The following VKORC1 variants were observed in gnomAD, a reference collection of about 807,000 sequenced individuals.
The protein encoded by VKORC1 is phylloquinone epoxide reductase.
In VKORC1, 12 loss-of-function variants were observed where a neutral mutation model predicts 14.8. The ratio of observed to expected loss-of-function variants is 0.81; its 90% CI spans 0.52 to 1.31. VKORC1 has a LOEUF of 1.31. Among genes scored for constraint, VKORC1 ranks in the 50% most tolerant of loss-of-function variants. The pLI, the probability that VKORC1 is intolerant of heterozygous loss-of-function variation, is 0.00. For synonymous variants in VKORC1, 94 were observed against 92.5 expected (o/e 1.02, Z -0.09); for missense variants, 223 against 215.3 (o/e 1.04, Z -0.22).
At chr16:31,092,172 G>C (rs1250298786) in intron 2 of VKORC1, among the ~76,000 whole-genome samples, 2 of 88,520 alleles carry the variant, frequency 2.3e-5, no homozygotes, top group African/African-American at 9.7e-5. Flanking sequence ...GCGAGACTAT[G>C]TCGCAAAAAA....
chr16:31,091,661 T>C (rs1370078425), intron 2 of VKORC1, among the ~76,000 whole-genome samples: 2 of 151,862 alleles, frequency 1.3e-5, no homozygotes, highest in East Asian at 3.9e-4. Flanking sequence ...CCAATGGGGG[T>C]GGATCACCTG....
In VKORC1 at chr16:31,094,694, C is replaced by T. The variant is rs55894764; in HGVS notation, c.36G>A (p.Arg12=). The change falls in exon 1 of 3, where the codon CGG becomes CGA. Residue 12 remains arginine, a synonymous_variant. Transcript: ENST00000394975. ...GSTWGSPGWV[R]LALCLTGLVL... ...CTAAGCCCGTCAGGCAAAGAGCGAGCCGCACCCAGCCAGGGCTCCCCCAGG... is the reference window on the plus strand; with the variant it reads ...CTAAGCCCGTCAGGCAAAGAGCGAGTCGCACCCAGCCAGGGCTCCCCCAGG... 0.012 allele frequency: 19,214 copies of T among 1,608,310 alleles called. 230 individuals carry two copies. Among genetic ancestry groups the T allele is most frequent in the Admixed American group, 0.016 (965 of 59,638 alleles).
Position 31,094,780 on chromosome 16 carries a change from A to G in VKORC1, c.-51T>C. 6.4e-7 allele frequency: 1 copy of G among 1,553,676 alleles called. No homozygotes were observed. Among genetic ancestry groups the G allele is most frequent in the Non-Finnish European group, 8.7e-7 (1 of 1,154,628 alleles). On this transcript the variant is annotated 5_prime_UTR_variant, in exon 1 of 3. Coordinates refer to ENST00000394975, the MANE Select transcript of VKORC1 (RefSeq NM_024006.6). ...CCGCGGAGAAAACCAGCCACGGAGCAGGGGCCGGGCGGCGAATGGCCGCGC... is the reference window on the plus strand; with the variant it reads ...CCGCGGAGAAAACCAGCCACGGAGCGGGGGCCGGGCGGCGAATGGCCGCGC...
chr16:31,091,363 C>A, intron 2 of VKORC1, 21 bp from the exon 3 acceptor site: 1 of 1,607,318 alleles, frequency 6.2e-7, no homozygotes, highest in Non-Finnish European at 8.5e-7. Flanking sequence ...GAAGAGGGTC[C>A]GGTGTGGGCT....
intron 2 of VKORC1, 84 bp from the exon 3 acceptor site, chr16:31,091,426 TG>T (rs2057289531): frequency 6.5e-7 from 1 of 1,549,638 alleles, no homozygotes; most frequent in Admixed American, 2.0e-5. Flanking sequence ...ACTACCTAGA[TG>T]CCAGGAGCTG....
chr16:31,090,970 C>A lies in VKORC1; in HGVS notation c.*164G>T, dbSNP rs186322246. Reference sequence around the variant, plus strand: ...GGCACTGGGTGTAAAAAAGAGCGAGCGTGTGGCACATTTGGTCCATTGTCA... The same window carrying A: ...GGCACTGGGTGTAAAAAAGAGCGAGAGTGTGGCACATTTGGTCCATTGTCA... On this transcript the variant is annotated 3_prime_UTR_variant, in exon 3 of 3. Transcript: ENST00000394975. 63 of 1,163,522 alleles carry A rather than the reference C, an allele frequency of 5.4e-5. No individual in the cohort carries two copies. The East Asian group carries it at 1.5e-3, about 27-fold the overall frequency. 72.1% of individuals were successfully genotyped at this position (1,163,522 alleles called of 1,614,324 possible).
intron 2 of VKORC1, 138 bp from the exon 3 acceptor site, chr16:31,091,480 G>T: frequency 6.6e-7 from 1 of 1,508,018 alleles, no homozygotes; most frequent in South Asian, 1.2e-5. Flanking sequence ...GGCAGATGTG[G>T]TGGCTTACGC....
chr16:31,093,172 C>T, intron 2 of VKORC1, 140 bp downstream of exon 2: 1 of 895,456 alleles, frequency 1.1e-6, no homozygotes. Flanking sequence ...CCCACATCCC[C>T]ACCCGCAGGA....
chr16:31,091,586 A>C (rs1212952368), intron 2 of VKORC1, among the ~76,000 whole-genome samples: 2 of 152,236 alleles, frequency 1.3e-5, no homozygotes, highest in Admixed American at 1.3e-4. Flanking sequence ...CCCGATCTCT[A>C]TCAAAAATTT....
At position 31,091,015 on chromosome 16, in the gene VKORC1, G is replaced by A. The variant is rs1363677114; in HGVS notation, c.*119C>T. ...TTGTCATGTGCGGGTATGGCAGGAG[G>A]AGGGGGTAATCTAGAAGCCCCACAT... On this transcript the variant is annotated 3_prime_UTR_variant, in exon 3 of 3. Coordinates refer to ENST00000394975, the MANE Select transcript of VKORC1 (RefSeq NM_024006.6). 2.0e-6 allele frequency: 3 copies of A among 1,499,662 alleles called. No individual in the cohort carries two copies. The African/African-American group carries it at 4.2e-5, about 21-fold the overall frequency. The allele number at this position is 1,499,662 out of a possible 1,614,324, so 92.9% of individuals were successfully genotyped here.
At position 31,094,646 on chromosome 16, in the gene VKORC1, G is replaced by A. The variant is rs755256488; in HGVS notation, c.84C>T (p.His28=). The A allele has an allele frequency of 1.4e-5, 22 of 1,607,116 alleles. No individual in the cohort carries two copies. Among genetic ancestry groups the A allele is most frequent in the Non-Finnish European group, 1.8e-5 (21 of 1,178,432 alleles). Residue 28 remains histidine, a synonymous_variant, in exon 1 of 3, where the codon CAC becomes CAT. Coordinates refer to ENST00000394975, the MANE Select transcript of VKORC1 (RefSeq NM_024006.6). ...TGLVLSLYAL[H]VKAARARDRD... The stretch of plus-strand genomic sequence containing the variant: ...GGTCCCGGGCGCGCGCCGCCTTCAC[G>A]TGCAGCGCGTAGAGCGAGAGCACTA...
rs1358728264 is a variant in VKORC1, at chr16:31,091,425, A to T, written c.284-83T>A. 4 of 1,552,778 alleles carry T rather than the reference A, an allele frequency of 2.6e-6. No homozygotes were observed. The East Asian group carries it at 7.2e-5, about 28-fold the overall frequency. ...TCCATGATGTCACTGCACTACCTAGATGCCAGGAGCTGCTGGGAAGGGTCT... is the reference window on the plus strand; with the variant it reads ...TCCATGATGTCACTGCACTACCTAGTTGCCAGGAGCTGCTGGGAAGGGTCT... On this transcript the variant is annotated intron_variant, in intron 2 of 2. Coordinates refer to ENST00000394975, the MANE Select transcript of VKORC1 (RefSeq NM_024006.6).
chr16:31,093,249 T>G, intron 2 of VKORC1, 63 bp downstream of exon 2: 8 of 1,387,260 alleles, frequency 5.8e-6, no homozygotes, highest in Non-Finnish European at 7.6e-6. Context: ...GGAGTGGGGC[T>G]GAGCTGACCA....
chr16:31,092,958 CT>C, intron 2 of VKORC1: 1 of 418,230 alleles, frequency 2.4e-6, no homozygotes, highest in Non-Finnish European at 4.3e-6. Context: ...GGGAGGATCC[CT>C]TGGGCAGGGA....
chr16:31,094,596 A>T lies in VKORC1; in HGVS notation c.134T>A (p.Val45Glu). ...RDRDYRALCD[V>E]GTAISCSRVF... ...GCGCGAACAGCTGATGGCGGTGCCC[A>T]CGTCGCAGAGCGCGCGGTAATCCCG... The change falls in exon 1 of 3, where the codon GTG becomes GAG. Residue 45 changes from valine to glutamate, a missense_variant. Val to Glu is a moderately radical substitution (Grantham distance 121, BLOSUM62 -2). Coordinates refer to ENST00000394975, the MANE Select transcript of VKORC1 (RefSeq NM_024006.6). 6.2e-7 allele frequency: 1 copy of T among 1,609,706 alleles called. No individual in the cohort carries two copies. The highest frequency in any genetic ancestry group is 8.5e-7 in the Non-Finnish European group (1 of 1,178,982).
chr16:31,093,354 T>G lies in VKORC1; in HGVS notation c.241A>C (p.Ser81Arg). 1 of 1,614,150 alleles carries G rather than the reference T, an allele frequency of 6.2e-7. No homozygotes were observed. The highest frequency in any genetic ancestry group is 1.1e-5 in the South Asian group (1 of 91,086). ...GQDSILNQSN[S>R]IFGCIFYTLQ... ...GTGTAGAAGATGCAACCGAATATGC[T>G]GTTGGATTGATTGAGGATGCTGTCC... Residue 81 changes from serine to arginine, a missense_variant, in exon 2 of 3, where the codon AGC becomes CGC. Ser to Arg is a moderately radical substitution (Grantham distance 110, BLOSUM62 -1). Coordinates refer to ENST00000394975, the MANE Select transcript of VKORC1 (RefSeq NM_024006.6).
rs778374152 is a variant in VKORC1 at position 31,094,420 on chromosome 16, G to A, written c.173+137C>T. ...AACACCAGTATCGCTGGGTAGCTCA[G>A]CCCCTGTGCAACGACCCCGCGAGCA... On this transcript the variant is annotated intron_variant, in intron 1 of 2. Transcript: ENST00000394975. 1.2e-5 allele frequency: 19 copies of A among 1,612,790 alleles called. 1 individual carries two copies. The highest frequency in any genetic ancestry group is 1.1e-4 in the East Asian group (5 of 44,884).
chr16:31,091,379 C>T (rs368498828), intron 2 of VKORC1, 37 bp from the exon 3 acceptor site: 75 of 1,595,350 alleles, frequency 4.7e-5, no homozygotes, highest in Non-Finnish European at 5.2e-5. Context: ...GGGCTTCAGG[C>T]ACTGGCCACC....
chr16:31,093,577 C>G, intron 1 of VKORC1, 156 bp from the exon 2 acceptor site: 9 of 1,523,242 alleles, frequency 5.9e-6, no homozygotes, highest in Non-Finnish European at 7.9e-6. Context: ...CTCCTGGCAC[C>G]GGGCACCTTT....
Sources: allele counts gnomAD v4.1 joint callset (sites outside exome capture counted in the v4.1 genomes callset), GRCh38; gene constraint gnomAD v4.1.1; transcripts MANE v1.5; gene names NCBI Gene and HGNC (gene_info 2026-07-23, HGNC 2026-07-21).